RAB5B: variants seen among roughly 807,000 people sequenced by gnomAD.
RAB5B encodes ras-related protein Rab-5B.
RAB5B carries 11 observed loss-of-function variants against 28.6 expected under a neutral mutation model. That is an observed-to-expected ratio of 0.38 (90% CI 0.24 to 0.64). RAB5B has a LOEUF of 0.64. Ranked by LOEUF, RAB5B falls within the 30% of genes least tolerant of loss-of-function variation. The pLI is 0.53. For missense variants in RAB5B, 169 were observed against 265.6 expected, an observed-to-expected ratio of 0.64 and a Z score of 2.53; for synonymous variants, 93 against 97.9, an observed-to-expected ratio of 0.95 and a Z score of 0.29.
chr12:55,986,215 G>C (rs904190716), intron 1 of RAB5B, among the ~76,000 whole-genome samples: 2 of 152,214 alleles, frequency 1.3e-5, no homozygotes, highest in Non-Finnish European at 2.9e-5. Flanking sequence ...GGAAGGCCAA[G>C]GCGGGCAGAT....
intron 3 of RAB5B, among the ~76,000 whole-genome samples, chr12:55,990,386 C>A (rs562036609): frequency 6.6e-6 from 1 of 150,886 alleles, no homozygotes; most frequent in Admixed American, 6.6e-5. Flanking sequence ...CTAGCCTCGG[C>A]GACAGAGCAA....
chr12:55,985,657 A>C (rs1297502205), intron 1 of RAB5B: 4 of 455,420 alleles, frequency 8.8e-6, no homozygotes, highest in Non-Finnish European at 1.8e-5. Flanking sequence ...TCTTTCATCA[A>C]ATACTGATTG....
intron 4 of RAB5B, chr12:55,991,025 C>T: frequency 3.5e-6 from 2 of 565,862 alleles, no homozygotes; most frequent in East Asian, 6.2e-5. Flanking sequence ...AGGGAGGTAC[C>T]AGCTGTGGGG....
intron 1 of RAB5B, among the ~76,000 whole-genome samples, chr12:55,977,038 G>C (rs1889664059): frequency 6.6e-6 from 1 of 152,076 alleles, no homozygotes; most frequent in African/African-American, 2.4e-5. Flanking sequence ...GCAGTGGCAT[G>C]ATCTCGGCTC....
intron 1 of RAB5B, among the ~76,000 whole-genome samples, chr12:55,974,924 AT>A (rs11343216): frequency 0.24 from 36,140 of 149,266 alleles, 5,072 homozygotes; most frequent in Non-Finnish European, 0.32. Flanking sequence ...GATCAAAGTA[AT>A]TTTTTTTTTT....
chr12:55,987,724 G>A (rs199991079), intron 2 of RAB5B, among the ~76,000 whole-genome samples: 3 of 150,864 alleles, frequency 2.0e-5, no homozygotes, highest in East Asian at 2.0e-4. Flanking sequence ...CCAGCTACTC[G>A]GGAGGCTAAG....
intron 3 of RAB5B, among the ~76,000 whole-genome samples, chr12:55,990,420 A>G (rs1029507833): frequency 1.3e-5 from 2 of 152,166 alleles, no homozygotes; most frequent in Admixed American, 1.3e-4. Flanking sequence ...AAAAAAAAGA[A>G]AAAAGACTGT....
At position 55,987,011 on chromosome 12, in the gene RAB5B, A is replaced by G; in HGVS notation, c.51A>G (p.Lys17=). ...CCAATGGGCAACCCCAGGCCAGCAAAATTTGCCAGTTCAAATTGGTCCTGC... is the reference window on the plus strand; with the variant it reads ...CCAATGGGCAACCCCAGGCCAGCAAGATTTGCCAGTTCAAATTGGTCCTGC... The part of the protein sequence containing the change: ...ARPNGQPQAS[K]ICQFKLVLLG... Residue 17 remains lysine (K), a synonymous_variant, in exon 2 of 6, where the codon AAA becomes AAG. Coordinates refer to ENST00000360299, the MANE Select transcript of RAB5B (RefSeq NM_002868.4). 1.2e-6 allele frequency: 2 copies of G among 1,612,372 alleles called. No individual in the cohort carries two copies. The highest frequency in any genetic ancestry group is 4.5e-5 in the East Asian group (2 of 44,762).
rs1364274086 is a variant in RAB5B at position 55,993,968 on chromosome 12, A to C, written c.*1756A>C. Reference sequence around the variant, plus strand: ...AAGAGAACTTTAAGTTCCTTGTTCCAGCCCGGAGTTTTGGGAAAGAAAGAA... The same window carrying C: ...AAGAGAACTTTAAGTTCCTTGTTCCCGCCCGGAGTTTTGGGAAAGAAAGAA... On this transcript the variant is annotated 3_prime_UTR_variant, in exon 6 of 6. Coordinates refer to ENST00000360299, the MANE Select transcript of RAB5B (RefSeq NM_002868.4). 2.6e-5 allele frequency: 4 copies of C among 152,500 alleles called. No individual in the cohort carries two copies. Among genetic ancestry groups the C allele is most frequent in the Non-Finnish European group, 5.9e-5 (4 of 68,042 alleles). 9.4% of individuals were successfully genotyped at this position (152,500 alleles called of 1,614,324 possible).
chr12:55,991,223 G>C (rs762431852), intron 4 of RAB5B, 137 bp from the exon 5 acceptor site: 75 of 634,932 alleles, frequency 1.2e-4, no homozygotes, highest in South Asian at 7.7e-4. Context: ...ATGCATCTAG[G>C]CTAGCTGGCT....
chr12:55,990,538 A>G, intron 3 of RAB5B, 144 bp from the exon 4 acceptor site: 2 of 1,138,924 alleles, frequency 1.8e-6, no homozygotes, highest in South Asian at 2.9e-5. Flanking sequence ...AGTGCTAAGA[A>G]GACAGATAAT....
chr12:55,981,018 C>A, intron 1 of RAB5B: 1 of 1,613,958 alleles, frequency 6.2e-7, no homozygotes, highest in Admixed American at 1.7e-5. Context: ...AAGAGGTGGT[C>A]GTAGGCTTTG....
intron 5 of RAB5B, 68 bp downstream of exon 5, chr12:55,991,521 A>C: frequency 1.5e-6 from 2 of 1,335,822 alleles, no homozygotes; most frequent in South Asian, 1.2e-5. Flanking sequence ...GCTAACCCAA[A>C]TCAAGGATAG....
intron 2 of RAB5B, among the ~76,000 whole-genome samples, chr12:55,989,399 CGA>C (rs1007730605): frequency 1.3e-5 from 2 of 152,098 alleles, no homozygotes; most frequent in African/African-American, 4.8e-5. Context: ...CTCAGCCTCC[CGA>C]GTAGCTGTGA....
In RAB5B at chr12:55,992,441, T is replaced by C; in HGVS notation, c.*229T>C. The C allele has an allele frequency of 1.5e-6, 1 of 675,052 alleles. No homozygotes were observed. The highest frequency in any genetic ancestry group is 2.7e-6 in the Non-Finnish European group (1 of 368,900). The allele number at this position is 675,052 out of a possible 1,614,324, so 41.8% of individuals were successfully genotyped here. A position where few individuals can be genotyped will look rare whatever the true frequency, so the allele number is the denominator to read the frequency against. ...CCTACTCTGGGGCTTGGGGGTCAAC[T>C]CCCCCCAGGACTTACCTTCCAAAAC... On this transcript the variant is annotated 3_prime_UTR_variant, in exon 6 of 6. Transcript: ENST00000360299.
At chr12:55,989,775 A>G (rs138178144) in intron 2 of RAB5B, among the ~76,000 whole-genome samples, 172 bp from the exon 3 acceptor site, 3 of 152,322 alleles carry the variant, frequency 2.0e-5, no homozygotes, top group Non-Finnish European at 4.4e-5. Context: ...GGCAGTCTTA[A>G]TCCTGGTTTC....
intron 1 of RAB5B, among the ~76,000 whole-genome samples, chr12:55,981,353 C>G (rs773110): frequency 0.24 from 36,195 of 151,956 alleles, 5,105 homozygotes; most frequent in Non-Finnish European, 0.32. Flanking sequence ...TGTAAGCCAC[C>G]ACGCCTAGCC....
intron 1 of RAB5B, among the ~76,000 whole-genome samples, chr12:55,983,005 T>C (rs1389777430): frequency 1.3e-5 from 2 of 152,166 alleles, no homozygotes; most frequent in Non-Finnish European, 2.9e-5. Flanking sequence ...CATATATATG[T>C]CACCTGAAGG....
rs1467594666 is a variant in RAB5B, at chr12:55,992,375, G to T, written c.*163G>T. The T allele has an allele frequency of 1.4e-6, 1 of 702,848 alleles. No individual in the cohort carries two copies. Among genetic ancestry groups the T allele is most frequent in the Admixed American group, 2.3e-5 (1 of 43,530 alleles). 43.5% of individuals were successfully genotyped at this position (702,848 alleles called of 1,614,324 possible). A position where few individuals can be genotyped will look rare whatever the true frequency, so the allele number is the denominator to read the frequency against. On this transcript the variant is annotated 3_prime_UTR_variant, in exon 6 of 6. Coordinates refer to ENST00000360299, the MANE Select transcript of RAB5B (RefSeq NM_002868.4). ...CGTCATGGCACTTTTTAACGCTTCAGCAACAAACACCAGGCAGCTGTTGCC... is the reference window on the plus strand; with the variant it reads ...CGTCATGGCACTTTTTAACGCTTCATCAACAAACACCAGGCAGCTGTTGCC...
Sources: gnomAD v4.1 joint callset for allele counts (sites outside exome capture counted in the v4.1 genomes callset) on GRCh38, gnomAD v4.1.1 for gene constraint, MANE v1.5 for transcripts, NCBI Gene and HGNC (gene_info 2026-07-23, HGNC 2026-07-21) for gene names.